The following TMEM232 variants were observed in gnomAD, a reference collection of about 807,000 sequenced individuals.
TMEM232 encodes transmembrane protein 232.
Under a neutral mutation model 78.8 loss-of-function variants are expected in TMEM232, and 80 were observed. The ratio of observed to expected loss-of-function variants is 1.01; its 90% CI spans 0.85 to 1.22. The LOEUF is 1.22. Among genes scored for constraint, TMEM232 ranks in the 50% most tolerant of loss-of-function variants. TMEM232 has a pLI of 0.00. For missense variants in TMEM232, 881 were observed against 742.2 expected (o/e 1.19, Z -2.17); for synonymous variants, 297 against 254.3 (o/e 1.17, Z -1.60).
At chr5:110,645,565 A>G (rs1019922744) in intron 2 of TMEM232, among the ~76,000 whole-genome samples, 17 of 151,554 alleles carry the variant, frequency 1.1e-4, no homozygotes, top group African/African-American at 4.1e-4. Flanking sequence ...AATTTACGTC[A>G]ATTTACTTTA....
intron 3 of TMEM232, among the ~76,000 whole-genome samples, chr5:110,392,865 A>G (rs2112558485): frequency 6.6e-6 from 1 of 152,302 alleles, no homozygotes; most frequent in Non-Finnish European, 1.5e-5. Context: ...TTGTATGTCT[A>G]TATCTAGGAG....
intron 1 of TMEM232, among the ~76,000 whole-genome samples, chr5:110,673,159 T>C (rs1266432986): frequency 6.6e-6 from 1 of 152,122 alleles, no homozygotes; most frequent in Non-Finnish European, 1.5e-5. Flanking sequence ...TGTAGGGACA[T>C]GGGTGAAGCT....
At chr5:110,592,820 C>T (rs968073302) in intron 10 of TMEM232, among the ~76,000 whole-genome samples, 3 of 152,160 alleles carry the variant, frequency 2.0e-5, no homozygotes, top group African/African-American at 7.2e-5. Context: ...ATGCTGATAG[C>T]ATGTGACCTG....
At chr5:110,558,599 A>G (rs1481160569) in intron 11 of TMEM232, among the ~76,000 whole-genome samples, 1 of 152,090 alleles carries the variant, frequency 6.6e-6, no homozygotes. Context: ...GTGCTCAGAT[A>G]AGACTAGCCT....
intron 2 of TMEM232, among the ~76,000 whole-genome samples, chr5:110,660,173 G>C (rs887701005): frequency 2.0e-5 from 3 of 151,916 alleles, no homozygotes; most frequent in African/African-American, 7.2e-5. Context: ...AAATTACCAG[G>C]TTTGGGAGAA....
At chr5:110,703,532 T>A (rs980432938) in intron 1 of TMEM232, among the ~76,000 whole-genome samples, 2 of 152,098 alleles carry the variant, frequency 1.3e-5, no homozygotes, top group African/African-American at 4.8e-5. Context: ...TCAGAGCTTT[T>A]GAAATTTGGC....
chr5:110,428,887 A>T (rs543852476), intron 12 of TMEM232, among the ~76,000 whole-genome samples: 1 of 151,962 alleles, frequency 6.6e-6, no homozygotes, highest in African/African-American at 2.4e-5. Context: ...TCTTTTGGGG[A>T]AAACAAACCT....
At chr5:110,720,800 T>TA (rs1370816391) in intron 1 of TMEM232, 1 of 152,168 alleles carries the variant, frequency 6.6e-6, no homozygotes, top group African/African-American at 2.4e-5. Flanking sequence ...TGCTTCTTTC[T>TA]ATTAATATAC....
chr5:110,484,808 CTAA>C (rs1313690203), intron 12 of TMEM232, among the ~76,000 whole-genome samples: 12 of 151,886 alleles, frequency 7.9e-5, no homozygotes, highest in African/African-American at 2.9e-4. Context: ...ATGTGTACAT[CTAA>C]TAATAGCCTC....
chr5:110,402,787 G>A (rs967291804), intron 2 of TMEM232, among the ~76,000 whole-genome samples: 4 of 152,042 alleles, frequency 2.6e-5, no homozygotes, highest in African/African-American at 9.7e-5. Flanking sequence ...AATGACACTT[G>A]TCCCTAGGGG....
intron 12 of TMEM232, among the ~76,000 whole-genome samples, chr5:110,516,983 G>C (rs1490777398): frequency 1.3e-5 from 2 of 152,190 alleles, no homozygotes; most frequent in East Asian, 3.9e-4. Context: ...AAGAAACATT[G>C]TCTTAATTTT....
rs535762099 is a variant in TMEM232 at position 110,404,971 on chromosome 5, C to T, written n.309-7117G>A. The stretch of plus-strand genomic sequence containing the variant: ...TCCAAGCAAAAAACAAATTTTTCAG[C>T]CAATAAGTTTCTCTGTCTGAATATT... On this transcript the variant is annotated intron_variant and non_coding_transcript_variant, in intron 2 of 8. Transcript: ENST00000507188. Among the ~76,000 whole-genome samples the T allele has an allele frequency of 7.2e-5, 11 of 152,100 alleles. No individual in the cohort carries two copies. The South Asian group carries it at 2.3e-3, about 32-fold the overall frequency.
chr5:110,681,025 C>T (rs535871507), intron 1 of TMEM232, among the ~76,000 whole-genome samples: 1 of 152,146 alleles, frequency 6.6e-6, no homozygotes, highest in South Asian at 2.1e-4. Context: ...TCAAACTATA[C>T]ACGACGACAC....
At chr5:110,426,222 G>A (rs1292932861) in intron 12 of TMEM232, among the ~76,000 whole-genome samples, 1 of 151,732 alleles carries the variant, frequency 6.6e-6, no homozygotes, top group Non-Finnish European at 1.5e-5. Context: ...ATCTACCATG[G>A]ATATTTTCTT....
intron 10 of TMEM232, among the ~76,000 whole-genome samples, chr5:110,577,670 G>T (rs1434210447): frequency 6.6e-6 from 1 of 151,964 alleles, no homozygotes; most frequent in African/African-American, 2.4e-5. Flanking sequence ...GTACACACAT[G>T]CCATGGAATA....
chr5:110,710,305 G>C (rs1054517469), intron 1 of TMEM232, among the ~76,000 whole-genome samples: 1 of 152,116 alleles, frequency 6.6e-6, no homozygotes, highest in Non-Finnish European at 1.5e-5. Flanking sequence ...TTTCACTGCT[G>C]AATTCTATCA....
chr5:110,698,037 C>T (rs543090143), intron 1 of TMEM232, among the ~76,000 whole-genome samples: 2 of 152,206 alleles, frequency 1.3e-5, no homozygotes, highest in East Asian at 3.9e-4. Context: ...GGAACCAACC[C>T]AAATGTCCAA....
In TMEM232 at chr5:110,694,059, G is replaced by C. The variant is rs188649694; in HGVS notation, c.-12-26695C>G. On this transcript the variant is annotated intron_variant, in intron 1 of 13. Transcript: ENST00000455884. Reference sequence around the variant, plus strand: ...ATGTTAAGCGCAACCACAGAGAAAGGTCGGGATACCCACAAAGGGAAGCCC... The same window carrying C: ...ATGTTAAGCGCAACCACAGAGAAAGCTCGGGATACCCACAAAGGGAAGCCC... 1.0e-3 allele frequency among the ~76,000 whole-genome samples: 159 copies of C among 151,974 alleles called. 4 individuals are homozygous for C. The East Asian group carries it at 0.023, about 22-fold the overall frequency.
intron 1 of TMEM232, among the ~76,000 whole-genome samples, chr5:110,703,402 CAATATT>C (rs1470546447): frequency 6.6e-6 from 1 of 151,960 alleles, no homozygotes; most frequent in East Asian, 1.9e-4. Flanking sequence ...CTGGGGAAAC[CAATATT>C]ATGGGAAACC....
Sources: allele counts gnomAD v4.1 joint callset (sites outside exome capture counted in the v4.1 genomes callset), GRCh38; gene constraint gnomAD v4.1.1; transcripts MANE v1.5; gene names NCBI Gene and HGNC (gene_info 2026-07-23, HGNC 2026-07-21).